C2orf66: variants seen among roughly 807,000 people sequenced by gnomAD.
C2orf66 encodes uncharacterized protein C2orf66.
In C2orf66, 6 loss-of-function variants were observed where a neutral mutation model predicts 7.0. That is an observed-to-expected ratio of 0.86 (90% CI 0.47 to 1.69). The LOEUF (loss-of-function observed/expected upper bound fraction) is 1.69, where lower values mean the gene tolerates loss of function less well. Ranked by LOEUF, C2orf66 falls within the 40% of genes most tolerant of loss-of-function variation. The pLI is 0.01. For missense variants in C2orf66, 107 were observed against 112.0 expected, an observed-to-expected ratio of 0.96 and a Z score of 0.20; for synonymous variants, 38 against 43.8, an observed-to-expected ratio of 0.87 and a Z score of 0.52.
At chr2:196,823,020 A>AAG in the C2orf66 span, among the ~76,000 whole-genome samples, 3 of 145,674 alleles carry the variant, frequency 2.1e-5, no homozygotes, top group African/African-American at 7.4e-5. Flanking sequence ...CTTCTTGTTA[A>AAG]AAAAAAAAAA....
At chr2:196,826,442 TCCAAAACACATTTC>T in the C2orf66 span, among the ~76,000 whole-genome samples, 533 of 152,336 alleles carry the variant, frequency 3.5e-3, 2 homozygotes, top group Middle Eastern at 0.01. Context: ...GAGATGATTT[TCCAAAACACATTTC>T]CCTTTATGGT....
intron 2 of C2orf66, among the ~76,000 whole-genome samples, chr2:196,806,368 T>C (rs1032827272): frequency 6.6e-6 from 1 of 151,894 alleles, no homozygotes; most frequent in Non-Finnish European, 1.5e-5. Flanking sequence ...CATCTGATTT[T>C]TTGTATTTTT....
At chr2:196,811,672 C>T (rs1003759135), upstream of C2orf66, among the ~76,000 whole-genome samples, 41 of 152,032 alleles carry the variant, frequency 2.7e-4, no homozygotes, top group African/African-American at 8.2e-4. Context: ...GAGATTTCCT[C>T]GTGGGGTTGG....
At chr2:196,811,076 C>A (rs946959350), upstream of C2orf66, among the ~76,000 whole-genome samples, 1 of 152,108 alleles carries the variant, frequency 6.6e-6, no homozygotes, top group African/African-American at 2.4e-5. Flanking sequence ...ACCCAGGCAA[C>A]CTGAGGAAGA....
chr2:196,811,209 A>G (rs1699872147), upstream of C2orf66, among the ~76,000 whole-genome samples: 1 of 152,216 alleles, frequency 6.6e-6, no homozygotes, highest in Non-Finnish European at 1.5e-5. Flanking sequence ...ATGGGGCCGG[A>G]GAGGTAGTCA....
the C2orf66 span, among the ~76,000 whole-genome samples, chr2:196,824,694 A>T: frequency 2.0e-5 from 3 of 152,218 alleles, no homozygotes; most frequent in East Asian, 5.8e-4. Flanking sequence ...TCTGATCTGG[A>T]AACTTCATTT....
At chr2:196,807,326 GA>G in intron 2 of C2orf66, 97 bp downstream of exon 2, 1 of 708,468 alleles carries the variant, frequency 1.4e-6, no homozygotes. Context: ...TTTCTATGAG[GA>G]AATAAAATTA....
the C2orf66 span, among the ~76,000 whole-genome samples, chr2:196,829,808 A>T: frequency 1.3e-5 from 2 of 151,808 alleles, no homozygotes; most frequent in Non-Finnish European, 2.9e-5. Context: ...GAGGCAGGAG[A>T]ATGGTTTGAA....
chr2:196,813,049 T>C (rs1001680039), upstream of C2orf66, among the ~76,000 whole-genome samples: 5 of 152,070 alleles, frequency 3.3e-5, no homozygotes, highest in Admixed American at 2.6e-4. Context: ...CAAGCTACCA[T>C]TGACTTTCTT....
chr2:196,812,548 C>A (rs1173452710), upstream of C2orf66, among the ~76,000 whole-genome samples: 1 of 152,174 alleles, frequency 6.6e-6, no homozygotes, highest in Non-Finnish European at 1.5e-5. Context: ...TCTTTCACCA[C>A]TCCTATTCAA....
At chr2:196,810,480 GC>G (rs1181801865), upstream of C2orf66, among the ~76,000 whole-genome samples, 1 of 152,038 alleles carries the variant, frequency 6.6e-6, no homozygotes, top group Non-Finnish European at 1.5e-5. Context: ...TCAAAATAGA[GC>G]AAGAAGATAA....
intron 2 of C2orf66, among the ~76,000 whole-genome samples, chr2:196,805,962 G>A (rs1014563871): frequency 1.3e-5 from 2 of 151,990 alleles, no homozygotes; most frequent in African/African-American, 4.8e-5. Context: ...TAAGTTATAC[G>A]TTCTTTTTAG....
chr2:196,829,299 C>A, the C2orf66 span, among the ~76,000 whole-genome samples: 1 of 152,136 alleles, frequency 6.6e-6, no homozygotes, highest in African/African-American at 2.4e-5. Flanking sequence ...TATTTTCATC[C>A]TTAAAAATGT....
chr2:196,819,058 A>G, the C2orf66 span, among the ~76,000 whole-genome samples: 1 of 152,160 alleles, frequency 6.6e-6, no homozygotes, highest in Non-Finnish European at 1.5e-5. Context: ...GTGCCATTGA[A>G]ATTGCTGTTG....
the C2orf66 span, among the ~76,000 whole-genome samples, chr2:196,815,079 C>T: frequency 2.6e-5 from 4 of 152,260 alleles, no homozygotes; most frequent in South Asian, 6.2e-4. Flanking sequence ...ATCCTTCCAC[C>T]CTAGCCTCCC....
At chr2:196,829,355 G>T in the C2orf66 span, among the ~76,000 whole-genome samples, 1 of 152,112 alleles carries the variant, frequency 6.6e-6, no homozygotes, top group African/African-American at 2.4e-5. Flanking sequence ...TTTGGGAGCC[G>T]AGGCAGGTGG....
chr2:196,815,436 G>A, the C2orf66 span, among the ~76,000 whole-genome samples: 8 of 152,120 alleles, frequency 5.3e-5, no homozygotes, highest in Non-Finnish European at 1.0e-4. Context: ...CAATATTTTA[G>A]GTTCTCAAAC....
the C2orf66 span, among the ~76,000 whole-genome samples, chr2:196,829,809 A>G: frequency 2.6e-5 from 4 of 151,158 alleles, no homozygotes; most frequent in African/African-American, 9.7e-5. Context: ...AGGCAGGAGA[A>G]TGGTTTGAAC....
chr2:196,816,559 G>A, the C2orf66 span, among the ~76,000 whole-genome samples: 4 of 152,184 alleles, frequency 2.6e-5, no homozygotes, highest in Non-Finnish European at 5.9e-5. Flanking sequence ...GAGAGAGGGA[G>A]GAGGGCAAGG....
Sources: allele counts gnomAD v4.1 joint callset (sites outside exome capture counted in the v4.1 genomes callset), GRCh38; gene constraint gnomAD v4.1.1; transcripts MANE v1.5; gene names NCBI Gene and HGNC (gene_info 2026-07-23, HGNC 2026-07-21).